GALK2: variants seen among roughly 807,000 people sequenced by gnomAD.
The protein encoded by GALK2 is galactokinase 2.
Under a neutral mutation model 52.4 loss-of-function variants are expected in GALK2, and 36 were observed. That is an observed-to-expected ratio of 0.69 (90% CI 0.53 to 0.91). GALK2 has a LOEUF of 0.91. GALK2 is among the 40% of genes least tolerant of loss of function. The pLI, the probability that GALK2 is intolerant of heterozygous loss-of-function variation, is 0.00. For synonymous variants in GALK2, 176 were observed against 199.1 expected, an observed-to-expected ratio of 0.88 and a Z score of 0.98; for missense variants, 579 against 559.1, an observed-to-expected ratio of 1.04 and a Z score of -0.36.
intron 3 of GALK2, among the ~76,000 whole-genome samples, chr15:49,226,181 C>A (rs1204588087): frequency 2.0e-5 from 3 of 152,154 alleles, no homozygotes; most frequent in African/African-American, 4.8e-5. Context: ...ACTTTTACTG[C>A]CTACTCTCCA....
intron 2 of GALK2, among the ~76,000 whole-genome samples, chr15:49,211,216 ACAGGTCCCCAGAG>A (rs1477223742): frequency 6.6e-6 from 1 of 152,200 alleles, no homozygotes. Flanking sequence ...TCAAAGTTCC[ACAGGTCCCCAGAG>A]CAGGGGCACA....
At chr15:49,324,400 CAAAA>C (rs56869664) in intron 9 of GALK2, among the ~76,000 whole-genome samples, 2 of 93,438 alleles carry the variant, frequency 2.1e-5, no homozygotes, top group Non-Finnish European at 4.0e-5. Context: ...CATACCCTGT[CAAAA>C]AAAAAAAAAG....
At position 49,239,210 on chromosome 15, in the gene GALK2, T is replaced by C. The variant is rs757666021; in HGVS notation, c.358-11T>C. On this transcript the variant is annotated splice_polypyrimidine_tract_variant and intron_variant, in intron 4 of 9. Transcript: ENST00000560031. ...CTGAATTACTGTTGCTGTTTTTCCT[T>C]ATATTCTTAGGAACACTTTGGTCTT... 1 of 1,612,530 alleles carries C rather than the reference T, an allele frequency of 6.2e-7. No individual in the cohort carries two copies. The highest frequency in any genetic ancestry group is 1.1e-5 in the South Asian group (1 of 91,042).
chr15:49,173,341 A>G (rs1051414004), intron 1 of GALK2, among the ~76,000 whole-genome samples: 14 of 152,180 alleles, frequency 9.2e-5, no homozygotes, highest in Non-Finnish European at 1.3e-4. Context: ...GGTTGCTTCT[A>G]TCTTTTGGCT....
intron 1 of GALK2, among the ~76,000 whole-genome samples, chr15:49,176,590 A>G (rs2085480364): frequency 6.6e-6 from 1 of 152,234 alleles, no homozygotes; most frequent in African/African-American, 2.4e-5. Flanking sequence ...AGGATCATGA[A>G]GTCATAGAAT....
intron 3 of GALK2, among the ~76,000 whole-genome samples, chr15:49,357,563 C>T (rs1195244661): frequency 6.6e-6 from 1 of 151,496 alleles, no homozygotes; most frequent in Non-Finnish European, 1.5e-5. Context: ...CTGAACAGAC[C>T]AATAACAGGA....
At chr15:49,190,392 A>C (rs746406838) in intron 1 of GALK2, among the ~76,000 whole-genome samples, 1 of 152,112 alleles carries the variant, frequency 6.6e-6, no homozygotes, top group Non-Finnish European at 1.5e-5. Context: ...TTCTAAATGC[A>C]TATTGGCCAT....
chr15:49,300,804 C>G (rs1344972690), intron 8 of GALK2, among the ~76,000 whole-genome samples: 1 of 152,166 alleles, frequency 6.6e-6, no homozygotes, highest in East Asian at 1.9e-4. Flanking sequence ...CCTGAGGCCT[C>G]CCCAGCCATG....
intron 1 of GALK2, among the ~76,000 whole-genome samples, chr15:49,186,199 C>T (rs1381474424): frequency 1.3e-5 from 2 of 152,124 alleles, no homozygotes; most frequent in Non-Finnish European, 1.5e-5. Flanking sequence ...AACGTCCTAT[C>T]CCAGTCTCTC....
chr15:49,297,211 G>T (rs182814001), intron 8 of GALK2, among the ~76,000 whole-genome samples: 2 of 152,080 alleles, frequency 1.3e-5, no homozygotes, highest in African/African-American at 4.8e-5. Flanking sequence ...TATGCTTGTT[G>T]GCCATGTGTA....
intron 8 of GALK2, among the ~76,000 whole-genome samples, chr15:49,303,344 G>A (rs117209225): frequency 2.3e-3 from 351 of 152,306 alleles, no homozygotes; most frequent in Non-Finnish European, 4.3e-3. Context: ...TCTGTAGGAA[G>A]AGCCTAGGAC....
intron 2 of GALK2, among the ~76,000 whole-genome samples, chr15:49,212,159 C>T (rs1025902591): frequency 1.3e-5 from 2 of 152,176 alleles, no homozygotes; most frequent in Non-Finnish European, 2.9e-5. Flanking sequence ...GTGGCGCTAT[C>T]TCAACTCACT....
chr15:49,242,422 T>A (rs2091143174), intron 5 of GALK2, among the ~76,000 whole-genome samples: 1 of 152,066 alleles, frequency 6.6e-6, no homozygotes, highest in Non-Finnish European at 1.5e-5. Context: ...TGGGAATAGT[T>A]GAGGGGAATT....
chr15:49,247,592 G>C (rs1346792247), intron 5 of GALK2, among the ~76,000 whole-genome samples: 1 of 152,208 alleles, frequency 6.6e-6, no homozygotes, highest in Non-Finnish European at 1.5e-5. Flanking sequence ...AATGAATAAA[G>C]AGGTTGAAAT....
In GALK2 at chr15:49,155,964, G is replaced by T. The variant is rs778079256; in HGVS notation, c.-33G>T. The T allele has an allele frequency of 3.1e-6, 5 of 1,613,574 alleles. No homozygotes were observed. The South Asian group carries it at 5.5e-5, about 18-fold the overall frequency. On this transcript the variant is annotated 5_prime_UTR_variant, in exon 1 of 10. Transcript: ENST00000327171. ...TCCGGTGAAAGTAAGGGACAGCTTA[G>T]GACCAGAAGCCTTTCGCGGAGAAAA...
At chr15:49,246,569 T>C (rs1354435331) in intron 5 of GALK2, among the ~76,000 whole-genome samples, 1 of 152,118 alleles carries the variant, frequency 6.6e-6, no homozygotes, top group Non-Finnish European at 1.5e-5. Context: ...CAGCTGGGAA[T>C]AGTGGGGTAG....
Position 49,327,968 on chromosome 15 carries a change from G to C in GALK2, c.1186G>C (p.Gly396Arg). The change falls in exon 10 of 10, where the codon GGG (glycine) becomes CGG (arginine). Residue 396 changes from glycine to arginine, a missense_variant. Physicochemically the swap from Gly to Arg is moderately radical, Grantham distance 125. Transcript: ENST00000560031. ...CTGTTTTAGGAAGTTTGGGGCTCAA[G>C]GGTCACGACTTACTGGAGCAGGATG... ...VDICRKFGAQ[G>R]SRLTGAGWGG... 2 of 1,612,020 alleles carry C rather than the reference G, an allele frequency of 1.2e-6. No homozygotes were observed. Among genetic ancestry groups the C allele is most frequent in the Non-Finnish European group, 1.7e-6 (2 of 1,178,654 alleles).
intron 3 of GALK2, among the ~76,000 whole-genome samples, chr15:49,339,061 A>G (rs2040263128): frequency 6.6e-6 from 1 of 152,150 alleles, no homozygotes; most frequent in Non-Finnish European, 1.5e-5. Flanking sequence ...GCTTGCTTGC[A>G]TTGGGTCAGA....
At chr15:49,189,906 G>A (rs751332468) in intron 1 of GALK2, among the ~76,000 whole-genome samples, 1 of 152,104 alleles carries the variant, frequency 6.6e-6, no homozygotes, top group Non-Finnish European at 1.5e-5. Context: ...GCAGATAACC[G>A]AAGCCACAGA....
Sources: gnomAD v4.1 joint callset for allele counts (sites outside exome capture counted in the v4.1 genomes callset) on GRCh38, gnomAD v4.1.1 for gene constraint, MANE v1.5 for transcripts, NCBI Gene and HGNC (gene_info 2026-07-23, HGNC 2026-07-21) for gene names.